GAB1: variants seen among roughly 807,000 people sequenced by gnomAD.
The protein encoded by GAB1 is GRB2-associated-binding protein 1.
Under a neutral mutation model 66.5 loss-of-function variants are expected in GAB1, and 19 were observed. The ratio of observed to expected loss-of-function variants is 0.29; its 90% CI spans 0.20 to 0.42. The LOEUF (loss-of-function observed/expected upper bound fraction) is 0.42. Among genes scored for constraint, GAB1 ranks in the 10% least tolerant of loss-of-function variants. The pLI is 1.00. For missense variants in GAB1, 732 were observed against 858.5 expected (o/e 0.85, Z 1.84); for synonymous variants, 294 against 301.4 (o/e 0.98, Z 0.25).
intron 1 of GAB1, among the ~76,000 whole-genome samples, chr4:143,384,659 A>C (rs959553217): frequency 3.3e-5 from 5 of 152,092 alleles, no homozygotes; most frequent in African/African-American, 1.2e-4. Flanking sequence ...GAGAGGGGAG[A>C]GCTCTTCCCT....
chr4:143,413,477 A>G (rs1732502798), intron 1 of GAB1, among the ~76,000 whole-genome samples: 1 of 152,196 alleles, frequency 6.6e-6, no homozygotes, highest in Non-Finnish European at 1.5e-5. Flanking sequence ...AGCTGCGTGA[A>G]GAATGAGAAG....
intron 8 of GAB1, among the ~76,000 whole-genome samples, chr4:143,465,709 C>T (rs969375726): frequency 2.0e-5 from 3 of 152,098 alleles, no homozygotes; most frequent in East Asian, 3.9e-4. Context: ...TGGAGTCAAA[C>T]AAATTTTAGT....
chr4:143,364,867 A>G (rs1270878720), intron 1 of GAB1, among the ~76,000 whole-genome samples: 1 of 119,510 alleles, frequency 8.4e-6, no homozygotes, highest in South Asian at 2.5e-4. Context: ...CCCTGCATCT[A>G]CTTTTTTTTT....
intron 6 of GAB1, among the ~76,000 whole-genome samples, chr4:143,441,199 GT>G (rs1390925264): frequency 6.6e-6 from 1 of 152,146 alleles, no homozygotes; most frequent in Non-Finnish European, 1.5e-5. Flanking sequence ...GCCTACCCAG[GT>G]TTTTTAAATT....
At chr4:143,358,120 C>T (rs912190402) in intron 1 of GAB1, among the ~76,000 whole-genome samples, 7 of 152,072 alleles carry the variant, frequency 4.6e-5, no homozygotes, top group African/African-American at 1.4e-4. Flanking sequence ...ATATTTTATA[C>T]GTTGTGTGTA....
chr4:143,398,501 T>C (rs897656863), intron 1 of GAB1, among the ~76,000 whole-genome samples: 19 of 152,206 alleles, frequency 1.2e-4, no homozygotes, highest in African/African-American at 4.3e-4. Flanking sequence ...GCTCTAGAAA[T>C]CAAGAAACAG....
At position 143,388,121 on chromosome 4, in the gene GAB1, T is replaced by C. The variant is rs554054550; in HGVS notation, c.73-27356T>C. 2.9e-4 allele frequency among the ~76,000 whole-genome samples: 44 copies of C among 152,298 alleles called. 1 individual carries two copies. In the East Asian group the frequency reaches 6.6e-3, roughly 23 times the overall value. On this transcript the variant is annotated intron_variant, in intron 1 of 9. Transcript: ENST00000262994. The stretch of plus-strand genomic sequence containing the variant: ...CAACCTAAGGATAAGCGCTCCCTTT[T>C]TGAATGCTCCCTTTTTTAATTATAC...
At chr4:143,361,578 C>A (rs931803887) in intron 1 of GAB1, among the ~76,000 whole-genome samples, 1 of 152,200 alleles carries the variant, frequency 6.6e-6, no homozygotes, top group Non-Finnish European at 1.5e-5. Context: ...CTCACCTTGG[C>A]AGCTTATCAG....
At chr4:143,403,937 T>C (rs1302987352) in intron 1 of GAB1, among the ~76,000 whole-genome samples, 1 of 152,226 alleles carries the variant, frequency 6.6e-6, no homozygotes, top group Non-Finnish European at 1.5e-5. Context: ...AGCGTTATTT[T>C]GGCTTTTTAC....
chr4:143,375,978 C>T (rs1446052076), intron 1 of GAB1, among the ~76,000 whole-genome samples: 1 of 152,136 alleles, frequency 6.6e-6, no homozygotes, highest in Non-Finnish European at 1.5e-5. Flanking sequence ...CATAGGAGCT[C>T]CTGTCTGGGA....
At chr4:143,462,778 C>T (rs909601851) in intron 8 of GAB1, among the ~76,000 whole-genome samples, 3 of 152,092 alleles carry the variant, frequency 2.0e-5, no homozygotes, top group African/African-American at 7.2e-5. Context: ...TCTCCTGACT[C>T]AGCCTCTCGA....
intron 1 of GAB1, among the ~76,000 whole-genome samples, chr4:143,382,491 G>T (rs1730697681): frequency 2.0e-5 from 3 of 152,118 alleles, no homozygotes; most frequent in Non-Finnish European, 2.9e-5. Context: ...CTATGCTTTT[G>T]TTATTTTGGA....
intron 1 of GAB1, among the ~76,000 whole-genome samples, chr4:143,366,090 G>C (rs574041614): frequency 6.6e-6 from 1 of 152,272 alleles, no homozygotes; most frequent in African/African-American, 2.4e-5. Flanking sequence ...ATAAAATAGG[G>C]ACCCTATCCT....
In GAB1 at chr4:143,336,892, C is replaced by T. The variant is rs1056271082; in HGVS notation, c.-297C>T. ...AGTCGGGGCAGAGTCCCGCTGAGTC[C>T]GAGCGCTGCTGAGGCAGCTGGCGAG... On this transcript the variant is annotated 5_prime_UTR_variant, in exon 1 of 10. Coordinates refer to ENST00000262994, the MANE Select transcript of GAB1 (RefSeq NM_002039.4). 2 of 434,396 alleles carry T rather than the reference C, an allele frequency of 4.6e-6. No homozygotes were observed. Among genetic ancestry groups the T allele is most frequent in the South Asian group, 3.1e-5 (1 of 32,520 alleles). 26.9% of individuals were successfully genotyped at this position (434,396 alleles called of 1,614,324 possible).
intron 1 of GAB1, among the ~76,000 whole-genome samples, chr4:143,341,155 T>G (rs1560708505): frequency 6.6e-6 from 1 of 152,242 alleles, no homozygotes; most frequent in Non-Finnish European, 1.5e-5. Flanking sequence ...GGGTTGCTAC[T>G]GTGGTGTTGC....
rs1191171569 is a variant in GAB1, at chr4:143,474,404, C to G, written c.*5215C>G. 6.6e-6 allele frequency: 1 copy of G among 152,108 alleles called. No individual in the cohort carries two copies. Among genetic ancestry groups the G allele is most frequent in the Non-Finnish European group, 1.5e-5 (1 of 68,022 alleles). The allele number at this position is 152,108 out of a possible 1,614,324, so 9.4% of individuals were successfully genotyped here. A position where few individuals can be genotyped will look rare whatever the true frequency, so the allele number is the denominator to read the frequency against. Reference sequence around the variant, plus strand: ...AAATAATACCCAAAACCCACTTTATCAGATATGGTATTGTGATGGTTAATA... The same window carrying G: ...AAATAATACCCAAAACCCACTTTATGAGATATGGTATTGTGATGGTTAATA... On this transcript the variant is annotated 3_prime_UTR_variant, in exon 10 of 10. Transcript: ENST00000262994.
At chr4:143,447,248 T>C (rs1171634502) in intron 6 of GAB1, among the ~76,000 whole-genome samples, 2 of 152,168 alleles carry the variant, frequency 1.3e-5, no homozygotes, top group Non-Finnish European at 2.9e-5. Context: ...AGCTTTGTTC[T>C]TTTGGCTTAG....
chr4:143,448,417 G>C (rs1269413841), intron 6 of GAB1, among the ~76,000 whole-genome samples: 4 of 151,744 alleles, frequency 2.6e-5, no homozygotes, highest in Non-Finnish European at 5.9e-5. Context: ...AATCCATCTG[G>C]TCCTGGACTC....
In GAB1 at chr4:143,471,463, A is replaced by G. The variant is rs989334046; in HGVS notation, c.*2274A>G. 2.6e-5 allele frequency: 4 copies of G among 152,218 alleles called. No homozygotes were observed. In the East Asian group the frequency reaches 7.7e-4, roughly 29 times the overall value. The allele number at this position is 152,218 out of a possible 1,614,324, so 9.4% of individuals were successfully genotyped here. A position where few individuals can be genotyped will look rare whatever the true frequency, so the allele number is the denominator to read the frequency against. ...ATGAAATTTTATGTATAACCCCAATACATAAAGCCTGAAAACTCAATTTTA... is the reference window on the plus strand; with the variant it reads ...ATGAAATTTTATGTATAACCCCAATGCATAAAGCCTGAAAACTCAATTTTA... On this transcript the variant is annotated 3_prime_UTR_variant, in exon 10 of 10. Transcript: ENST00000262994.
Sources: allele counts gnomAD v4.1 joint callset (sites outside exome capture counted in the v4.1 genomes callset), GRCh38; gene constraint gnomAD v4.1.1; transcripts MANE v1.5; gene names NCBI Gene and HGNC (gene_info 2026-07-23, HGNC 2026-07-21).